The following AGPAT5 variants were observed in gnomAD, a reference collection of about 807,000 sequenced individuals.
AGPAT5 encodes 1-acyl-sn-glycerol-3-phosphate acyltransferase epsilon.
AGPAT5 carries 46 observed loss-of-function variants against 45.6 expected under a neutral mutation model. The ratio of observed to expected loss-of-function variants is 1.01; its 90% CI spans 0.80 to 1.29. The LOEUF (loss-of-function observed/expected upper bound fraction) is 1.29, where lower values mean the gene tolerates loss of function less well. Ranked by LOEUF, AGPAT5 falls within the 50% of genes most tolerant of loss-of-function variation. The probability of loss-of-function intolerance (pLI) is 0.00; values close to 1 mark genes in which losing one functional copy is unlikely to be tolerated. For missense variants in AGPAT5, 673 were observed against 450.7 expected (o/e 1.49, Z -4.47); for synonymous variants, 272 against 167.0 (o/e 1.63, Z -4.85).
intron 1 of AGPAT5, among the ~76,000 whole-genome samples, chr8:6,719,735 C>G (rs966032142): frequency 1.3e-5 from 2 of 152,166 alleles, no homozygotes; most frequent in African/African-American, 2.4e-5. Context: ...TCAACAAGAT[C>G]TGGAAGATCA....
intron 1 of AGPAT5, among the ~76,000 whole-genome samples, chr8:6,710,853 T>C (rs1010057996): frequency 6.6e-6 from 1 of 152,204 alleles, no homozygotes; most frequent in African/African-American, 2.4e-5. Context: ...CCATTAACTT[T>C]GTCACTGAGA....
At chr8:6,723,303 G>A (rs993512289) in intron 1 of AGPAT5, among the ~76,000 whole-genome samples, 7 of 152,140 alleles carry the variant, frequency 4.6e-5, no homozygotes, top group Non-Finnish European at 8.8e-5. Flanking sequence ...AGTGTGTTCT[G>A]GATGCTCCTG....
At chr8:6,741,580 A>C in intron 4 of AGPAT5, 81 bp from the exon 5 acceptor site, 1 of 903,034 alleles carries the variant, frequency 1.1e-6, no homozygotes, top group Non-Finnish European at 1.7e-6. Context: ...TGTTAGCATT[A>C]GTAGGTTTAG....
intron 1 of AGPAT5, among the ~76,000 whole-genome samples, chr8:6,724,489 T>C (rs1255510452): frequency 6.6e-6 from 1 of 152,220 alleles, no homozygotes; most frequent in Non-Finnish European, 1.5e-5. Flanking sequence ...ATTTTCATAG[T>C]ATTTGCGTTA....
At chr8:6,733,815 C>T (rs1800948291) in intron 4 of AGPAT5, among the ~76,000 whole-genome samples, 1 of 152,178 alleles carries the variant, frequency 6.6e-6, no homozygotes, top group African/African-American at 2.4e-5. Context: ...TGTGGAGTTC[C>T]TTCTGTGTCC....
chr8:6,729,285 C>A (rs1031001980), intron 2 of AGPAT5, among the ~76,000 whole-genome samples: 19 of 151,492 alleles, frequency 1.3e-4, no homozygotes, highest in Admixed American at 1.1e-3. Flanking sequence ...GGAAAACTGT[C>A]CTCTTTGGCT....
chr8:6,758,331 C>T lies in AGPAT5; in HGVS notation c.*943C>T, dbSNP rs116816918. Reference sequence around the variant, plus strand: ...TTTACTAGCGTGTGCCTTTTGCCTGCTTCTCTTTGATTTCACAGAATATTC... The same window carrying T: ...TTTACTAGCGTGTGCCTTTTGCCTGTTTCTCTTTGATTTCACAGAATATTC... On this transcript the variant is annotated 3_prime_UTR_variant, in exon 8 of 8. Transcript: ENST00000285518. The T allele has an allele frequency of 3.3e-5, 5 of 152,668 alleles. No homozygotes were observed. The highest frequency in any genetic ancestry group is 1.2e-4 in the African/African-American group (5 of 41,450). The allele number at this position is 152,668 out of a possible 1,614,324, so 9.5% of individuals were successfully genotyped here.
intron 7 of AGPAT5, among the ~76,000 whole-genome samples, chr8:6,755,939 TA>T (rs1801818597): frequency 6.6e-6 from 1 of 152,110 alleles, no homozygotes; most frequent in African/African-American, 2.4e-5. Context: ...GGAAGAAATT[TA>T]AAAGTAAGAT....
chr8:6,745,974 T>G (rs752793330), intron 5 of AGPAT5: 4 of 151,996 alleles, frequency 2.6e-5, no homozygotes, highest in Non-Finnish European at 5.9e-5. Flanking sequence ...TCTTTCGCTC[T>G]CTCTCCCTTC....
chr8:6,748,902 C>T (rs1422665326), intron 6 of AGPAT5, among the ~76,000 whole-genome samples: 1 of 152,190 alleles, frequency 6.6e-6, no homozygotes, highest in Non-Finnish European at 1.5e-5. Context: ...TGGAAACCCT[C>T]ACCTGAAGCA....
In AGPAT5 at chr8:6,747,760, A is replaced by G; in HGVS notation, c.677A>G (p.Tyr226Cys). 1 of 1,614,228 alleles carries G rather than the reference A, an allele frequency of 6.2e-7. No individual in the cohort carries two copies. The highest frequency in any genetic ancestry group is 8.5e-7 in the Non-Finnish European group (1 of 1,180,028). ...ATGAAGAATTATTTAGATGCAATTT[A>G]TGATGTTACGGTGGTTTATGAAGGG... is the stretch of plus-strand genomic sequence containing the variant. ...DCMKNYLDAIYDVTVVYEGKD... is the reference protein window; with the variant it reads ...DCMKNYLDAICDVTVVYEGKD... Residue 226 changes from tyrosine (Y) to cysteine (C), a missense_variant, in exon 6 of 8, where the codon TAT becomes TGT. Tyr to Cys is a radical substitution (Grantham distance 194). Transcript: ENST00000285518.
At chr8:6,731,458 C>G (rs1800861072) in intron 3 of AGPAT5, among the ~76,000 whole-genome samples, 1 of 152,086 alleles carries the variant, frequency 6.6e-6, no homozygotes, top group Non-Finnish European at 1.5e-5. Context: ...CTTATAATAT[C>G]TAATACATTA....
Position 6,741,688 on chromosome 8 carries a change from A to G in AGPAT5, c.523A>G (p.Thr175Ala). The part of the protein sequence containing the change: ...PMYLVIFPEG[T>A]RYNPEQTKVL... The stretch of plus-strand genomic sequence containing the variant: ...GTATCTTGTGATTTTTCCAGAAGGT[A>G]CAAGGTATAATCCAGAGCAAACAAA... Residue 175 changes from threonine to alanine, a missense_variant, in exon 5 of 8, where the codon ACA becomes GCA. Transcript: ENST00000285518. 1 of 1,610,678 alleles carries G rather than the reference A, an allele frequency of 6.2e-7. No homozygotes were observed.
rs772160927 is a variant in AGPAT5, at chr8:6,760,512, A to G, written c.*3124A>G. ...AAGAGAGAGAAATGTCTACCAAAGC[A>G]GTATTTTGTGTGTATAATTGCAAGC... On this transcript the variant is annotated 3_prime_UTR_variant, in exon 8 of 8. Transcript: ENST00000285518. Among the ~76,000 whole-genome samples, 2 of 152,256 alleles carry G rather than the reference A, an allele frequency of 1.3e-5. No individual in the cohort carries two copies. Among genetic ancestry groups the G allele is most frequent in the Non-Finnish European group, 2.9e-5 (2 of 68,050 alleles).
At position 6,724,938 on chromosome 8, in the gene AGPAT5, A is replaced by G. The variant is rs1800634932; in HGVS notation, c.288A>G (p.Thr96=). The part of the protein sequence containing the change: ...NIIYLANHQS[T]VDWIVADILA... ...TATATTTAGCAAATCATCAAAGCAC[A>G]GGTTTGTATTTCATTTGCATGAAAC... Residue 96 remains threonine, a splice_region_variant and synonymous_variant, in exon 2 of 8, where the codon ACA becomes ACG. Transcript: ENST00000285518. 2.6e-6 allele frequency: 3 copies of G among 1,146,866 alleles called. No homozygotes were observed. The highest frequency in any genetic ancestry group is 3.4e-6 in the Non-Finnish European group (3 of 871,386). The allele number at this position is 1,146,866 out of a possible 1,614,324, so 71.0% of individuals were successfully genotyped here.
chr8:6,742,403 G>A (rs924701180), intron 5 of AGPAT5, among the ~76,000 whole-genome samples: 4 of 152,172 alleles, frequency 2.6e-5, no homozygotes, highest in Non-Finnish European at 5.9e-5. Flanking sequence ...ACCAAATTGG[G>A]AAGTATACAG....
chr8:6,713,104 G>A lies in AGPAT5; in HGVS notation c.219+4217G>A, dbSNP rs553460958. 2.6e-4 allele frequency among the ~76,000 whole-genome samples: 40 copies of A among 152,192 alleles called. No individual in the cohort carries two copies. The South Asian group carries it at 5.0e-3, about 19-fold the overall frequency. ...AATGCCTGGGTTCAAGTGATCCTCC[G>A]GAGTAGCTGCCGTGCCATTATTTCT... On this transcript the variant is annotated intron_variant, in intron 1 of 7. Transcript: ENST00000285518.
chr8:6,757,189 C>T lies in AGPAT5; in HGVS notation c.896C>T (p.Pro299Leu). 6.2e-7 allele frequency: 1 copy of T among 1,613,682 alleles called. No individual in the cohort carries two copies. Among genetic ancestry groups the T allele is most frequent in the Non-Finnish European group, 8.5e-7 (1 of 1,179,942 alleles). Residue 299 changes from proline to leucine, a missense_variant, in exon 8 of 8, where the codon CCA becomes CTA. Physicochemically the swap from Pro to Leu is moderately conservative, Grantham distance 98. Transcript: ENST00000285518. Reference sequence around the variant, plus strand: ...ATGCTTATAGAATTTTATGAGTCACCAGATCCAGAAAGAAGAAAAAGATTT... The same window carrying T: ...ATGCTTATAGAATTTTATGAGTCACTAGATCCAGAAAGAAGAAAAAGATTT... ...DKMLIEFYESPDPERRKRFPG... is the reference protein window; with the variant it reads ...DKMLIEFYESLDPERRKRFPG...
At position 6,708,643 on chromosome 8, in the gene AGPAT5, G is replaced by C; in HGVS notation, c.-26G>C. On this transcript the variant is annotated 5_prime_UTR_variant, in exon 1 of 8. Coordinates refer to ENST00000285518, the MANE Select transcript of AGPAT5 (RefSeq NM_018361.5). ...GGGAGGCGGGCGGGGAGCGCAGGCG[G>C]AGCTCGCTGCCGCCGAGCTGAGAAG... The C allele has an allele frequency of 1.3e-6, 2 of 1,496,388 alleles. No homozygotes were observed. The highest frequency in any genetic ancestry group is 1.8e-6 in the Non-Finnish European group (2 of 1,124,386). The allele number at this position is 1,496,388 out of a possible 1,614,324, so 92.7% of individuals were successfully genotyped here.
Sources: gnomAD v4.1 joint callset for allele counts (sites outside exome capture counted in the v4.1 genomes callset) on GRCh38, gnomAD v4.1.1 for gene constraint, MANE v1.5 for transcripts, NCBI Gene and HGNC (gene_info 2026-07-23, HGNC 2026-07-21) for gene names.